COL28A1: variants seen among roughly 807,000 people sequenced by gnomAD.
The protein encoded by COL28A1 is collagen type XXVIII alpha 1 chain, also known as collagen alpha-1(XXVIII) chain.
A neutral mutation model predicts 150.2 loss-of-function variants in COL28A1; 161 were observed. That is an observed-to-expected ratio of 1.07 (90% CI 0.94 to 1.22). COL28A1 has a LOEUF of 1.22. Ranked by LOEUF, COL28A1 falls within the 50% of genes most tolerant of loss-of-function variation. The probability of loss-of-function intolerance (pLI) is 0.00; values close to 1 mark genes in which losing one functional copy is unlikely to be tolerated. For missense variants in COL28A1, 1,617 were observed against 1,388.3 expected, an observed-to-expected ratio of 1.16 and a Z score of -2.62; for synonymous variants, 552 against 469.7, an observed-to-expected ratio of 1.18 and a Z score of -2.26.
At chr7:7,345,041 G>A in the COL28A1 span, among the ~76,000 whole-genome samples, 68 of 151,418 alleles carry the variant, frequency 4.5e-4, no homozygotes, top group Non-Finnish European at 1.5e-5. Flanking sequence ...GCCTGAAGAG[G>A]TGTCTGTGTG....
chr7:7,457,859 TG>T (rs1161434161), intron 15 of COL28A1, among the ~76,000 whole-genome samples: 1 of 152,200 alleles, frequency 6.6e-6, no homozygotes, highest in Non-Finnish European at 1.5e-5. Flanking sequence ...ATGGTTAACA[TG>T]CTCATTTTAA....
chr7:7,467,933 G>T (rs1788169175), intron 15 of COL28A1, among the ~76,000 whole-genome samples: 1 of 141,990 alleles, frequency 7.0e-6, no homozygotes, highest in Non-Finnish European at 1.5e-5. Context: ...CAACATTCCA[G>T]AATCTCTGGG....
At chr7:7,493,006 A>G (rs1225352457) in intron 11 of COL28A1, among the ~76,000 whole-genome samples, 3 of 147,922 alleles carry the variant, frequency 2.0e-5, no homozygotes, top group Non-Finnish European at 4.5e-5. Context: ...ATATATATAC[A>G]TATATAACAG....
intron 33 of COL28A1, among the ~76,000 whole-genome samples, chr7:7,369,239 A>G (rs73038800): frequency 0.03 from 4,617 of 152,292 alleles, 111 homozygotes; most frequent in Non-Finnish European, 0.047. Context: ...AGGAGGAGAT[A>G]GACTGTGTCC....
upstream of COL28A1, among the ~76,000 whole-genome samples, chr7:7,537,011 T>C (rs77209569): frequency 6.0e-3 from 915 of 152,334 alleles, 10 homozygotes; most frequent in African/African-American, 0.021. Context: ...TCTTATGGCA[T>C]ATTCCTAGTC....
At chr7:7,408,175 C>T (rs1369489688) in intron 27 of COL28A1, among the ~76,000 whole-genome samples, 7 of 152,168 alleles carry the variant, frequency 4.6e-5, no homozygotes, top group Middle Eastern at 6.8e-3. Context: ...TCATGATTCC[C>T]GCTCTGACAA....
chr7:7,503,659 C>G (rs1780653077), intron 11 of COL28A1, among the ~76,000 whole-genome samples: 2 of 152,054 alleles, frequency 1.3e-5, no homozygotes, highest in African/African-American at 4.8e-5. Flanking sequence ...ACTTTTATGA[C>G]AGTACACTAA....
the COL28A1 span, among the ~76,000 whole-genome samples, chr7:7,339,966 AT>A: frequency 6.6e-6 from 1 of 152,056 alleles, no homozygotes; most frequent in South Asian, 2.1e-4. Context: ...ACAAATGTTG[AT>A]TTGATAGTCC....
At chr7:7,350,714 A>T in the COL28A1 span, among the ~76,000 whole-genome samples, 1 of 144,806 alleles carries the variant, frequency 6.9e-6, no homozygotes, top group African/African-American at 2.6e-5. Context: ...ATTTATTCTT[A>T]ACGGAATCAG....
the COL28A1 span, among the ~76,000 whole-genome samples, chr7:7,346,512 G>A: frequency 3.9e-5 from 6 of 151,958 alleles, no homozygotes; most frequent in South Asian, 1.2e-3. Flanking sequence ...TGAAAATAAA[G>A]ATTTCTCCCA....
At chr7:7,419,336 G>C (rs1350649705) in intron 26 of COL28A1, among the ~76,000 whole-genome samples, 1 of 152,102 alleles carries the variant, frequency 6.6e-6, no homozygotes, top group African/African-American at 2.4e-5. Context: ...TCTGAAGCCA[G>C]GGAAGGGAAA....
the COL28A1 span, among the ~76,000 whole-genome samples, chr7:7,339,250 A>G: frequency 6.6e-6 from 1 of 152,156 alleles, no homozygotes; most frequent in Admixed American, 6.6e-5. Flanking sequence ...AGCTAAATTA[A>G]TTGAAATAAC....
intron 7 of COL28A1, 73 bp downstream of exon 7, chr7:7,517,723 G>T (rs1781494184): frequency 1.9e-6 from 3 of 1,609,584 alleles, no homozygotes; most frequent in Non-Finnish European, 1.7e-6. Flanking sequence ...CACTAAGGGG[G>T]TCAAAATGGT....
chr7:7,520,978 G>A (rs558017937), intron 5 of COL28A1, among the ~76,000 whole-genome samples: 1 of 152,094 alleles, frequency 6.6e-6, no homozygotes, highest in Non-Finnish European at 1.5e-5. Context: ...TTGATTGGTA[G>A]GATGGTTTGA....
At chr7:7,349,269 C>T in the COL28A1 span, among the ~76,000 whole-genome samples, 1 of 152,108 alleles carries the variant, frequency 6.6e-6, no homozygotes, top group Middle Eastern at 3.4e-3. Context: ...TTATTAGCAC[C>T]TATTTACGGC....
intron 20 of COL28A1, among the ~76,000 whole-genome samples, chr7:7,442,079 T>C (rs1002552106): frequency 8.5e-5 from 13 of 152,174 alleles, no homozygotes; most frequent in Non-Finnish European, 1.6e-4. Context: ...TGAACCATGG[T>C]ATACCTGGGC....
chr7:7,517,747 A>G (rs1781494909), intron 7 of COL28A1, 49 bp downstream of exon 7: 2 of 1,611,892 alleles, frequency 1.2e-6, no homozygotes, highest in Non-Finnish European at 1.7e-6. Context: ...CCACAAAATC[A>G]GTAACCTAGG....
At chr7:7,375,384 AAC>A in intron 31 of COL28A1, 75 bp downstream of exon 31, 8 of 1,341,490 alleles carry the variant, frequency 6.0e-6, no homozygotes, top group Non-Finnish European at 7.9e-6. Flanking sequence ...CATCTGGACG[AAC>A]ACATTCTGTC....
Position 7,358,259 on chromosome 7 carries a change from A to T in COL28A1, c.*374T>A, listed in dbSNP as rs2128276558. The T allele has an allele frequency of 6.4e-6, 1 of 157,326 alleles. No homozygotes were observed. The highest frequency in any genetic ancestry group is 3.2e-3 in the Middle Eastern group (1 of 308). 9.7% of individuals were successfully genotyped at this position (157,326 alleles called of 1,614,324 possible). The stretch of plus-strand genomic sequence containing the variant: ...GAGGTGAGTGGGTGGAGGTATGGGC[A>T]GGGACAGGGGTAGGGGTTTGAGCTG... On this transcript the variant is annotated 3_prime_UTR_variant, in exon 35 of 35. Transcript: ENST00000399429.
Sources: gnomAD v4.1 joint callset for allele counts (sites outside exome capture counted in the v4.1 genomes callset) on GRCh38, gnomAD v4.1.1 for gene constraint, MANE v1.5 for transcripts, NCBI Gene and HGNC (gene_info 2026-07-23, HGNC 2026-07-21) for gene names.